FMO3: variants seen among roughly 807,000 people sequenced by gnomAD.
The protein encoded by FMO3 is flavin-containing monooxygenase 3.
Under a neutral mutation model 39.4 loss-of-function variants are expected in FMO3, and 40 were observed. The ratio of observed to expected loss-of-function variants is 1.02; its 90% CI spans 0.79 to 1.32. FMO3 has a LOEUF of 1.32. FMO3 is among the 40% of genes most tolerant of loss of function. The pLI, the probability that FMO3 is intolerant of heterozygous loss-of-function variation, is 0.00. For synonymous variants in FMO3, 219 were observed against 228.8 expected (o/e 0.96, Z 0.39); for missense variants, 680 against 651.8 (o/e 1.04, Z -0.47).
At chr1:171,097,409 A>G (rs998825456) in intron 2 of FMO3, among the ~76,000 whole-genome samples, 9 of 112,636 alleles carry the variant, frequency 8.0e-5, no homozygotes, top group African/African-American at 1.3e-4. Flanking sequence ...TCCCACCAAC[A>G]GTGTAAAAGT....
intron 3 of FMO3, among the ~76,000 whole-genome samples, chr1:171,107,049 A>T (rs1427757072): frequency 1.3e-5 from 2 of 152,182 alleles, no homozygotes; most frequent in African/African-American, 4.8e-5. Context: ...ATTAATACCA[A>T]ATAGAGATTC....
chr1:171,107,794 C>T lies in FMO3; in HGVS notation c.441C>T (p.Ser147=), dbSNP rs1800822. ...TCTTTGATGCTGTAATGGTTTGTTC[C>T]GGACATCATGTGTATCCCAACCTAC... The part of the protein sequence containing the change: ...SAVFDAVMVC[S]GHHVYPNLPK... Residue 147 remains serine, a synonymous_variant, in exon 4 of 9, where the codon TCC becomes TCT. Transcript: ENST00000367755. The T allele has an allele frequency of 0.075, 121,494 of 1,613,590 alleles. 7,011 individuals are homozygous for T. Among genetic ancestry groups the T allele is most frequent in the Admixed American group, 0.25 (15,178 of 59,976 alleles).
intron 2 of FMO3, among the ~76,000 whole-genome samples, chr1:171,093,824 T>C (rs1191931953): frequency 7.0e-6 from 1 of 142,484 alleles, no homozygotes; most frequent in Non-Finnish European, 1.5e-5. Context: ...TACTCACTAA[T>C]ATCTTTTTTT....
intron 2 of FMO3, chr1:171,100,795 C>T (rs1655344308): frequency 1.2e-5 from 3 of 256,176 alleles, no homozygotes; most frequent in South Asian, 9.7e-5. Flanking sequence ...AACAATTTAA[C>T]AATGCCCCTC....
chr1:171,096,724 T>TA (rs2101899525), intron 2 of FMO3, among the ~76,000 whole-genome samples: 1 of 139,746 alleles, frequency 7.2e-6, no homozygotes, highest in East Asian at 2.1e-4. Context: ...TATAATTATA[T>TA]TAAAAATATA....
chr1:171,092,577 C>A, intron 1 of FMO3, 76 bp from the exon 2 acceptor site: 1 of 1,558,058 alleles, frequency 6.4e-7, no homozygotes, highest in South Asian at 1.1e-5. Flanking sequence ...AGAGCGAAAT[C>A]AAAATAAATA....
At position 171,117,402 on chromosome 1, in the gene FMO3, T is replaced by G; in HGVS notation, c.1559T>G (p.Ile520Ser). 5 of 1,613,326 alleles carry G rather than the reference T, an allele frequency of 3.1e-6. No individual in the cohort carries two copies. The highest frequency in any genetic ancestry group is 4.2e-6 in the Non-Finnish European group (5 of 1,179,770). ...TTCCATTGGCTGAAGCTCTTTGCAA[T>G]TCCTATTCTGTTAATCGCTGTTTTC... Reference protein sequence around the residue: ...FFFHWLKLFAIPILLIAVFLV... With the variant: ...FFFHWLKLFASPILLIAVFLV... The change falls in exon 9 of 9, where the codon ATT becomes AGT. Residue 520 changes from isoleucine to serine, a missense_variant. Ile to Ser is a moderately radical substitution (Grantham distance 142). Coordinates refer to ENST00000367755, the MANE Select transcript of FMO3 (RefSeq NM_001002294.3).
chr1:171,116,245 T>C lies in FMO3; in HGVS notation c.1221T>C (p.Asn407=), dbSNP rs79553697. 1,102 of 1,605,010 alleles carry C rather than the reference T, an allele frequency of 6.9e-4. 7 individuals are homozygous for C. In the African/African-American group the frequency reaches 0.013, roughly 19 times the overall value. Residue 407 remains asparagine, a synonymous_variant, in exon 8 of 9, where the codon AAT becomes AAC. Coordinates refer to ENST00000367755, the MANE Select transcript of FMO3 (RefSeq NM_001002294.3). ...CTLPSMEDMM[N]DINEKMEKKR... is the part of the protein sequence containing the mutation. ...TGCCTTCTATGGAAGACATGATGAA[T>C]GATATTAATGAGAAAATGGAGAAAA...
chr1:171,094,410 A>T (rs28745584), intron 2 of FMO3, among the ~76,000 whole-genome samples: 13,189 of 152,042 alleles, frequency 0.087, 812 homozygotes, highest in East Asian at 0.22. Flanking sequence ...TCCCATTCTG[A>T]AGGTAGTCTG....
In FMO3 at chr1:171,092,719, T is replaced by A; in HGVS notation, c.61T>A (p.Cys21Ser). 1 of 1,614,124 alleles carries A rather than the reference T, an allele frequency of 6.2e-7. No individual in the cohort carries two copies. The highest frequency in any genetic ancestry group is 8.5e-7 in the Non-Finnish European group (1 of 1,179,998). ...GVSGLASIRSCLEEGLEPTCF... is the reference protein window; with the variant it reads ...GVSGLASIRSSLEEGLEPTCF... ...GAGTGGCTTGGCCTCCATCAGGAGC[T>A]GTCTGGAAGAGGGGCTGGAGCCCAC... is the stretch of plus-strand genomic sequence containing the variant. The change falls in exon 2 of 9, where the codon TGT becomes AGT. Residue 21 changes from cysteine to serine, a missense_variant. Transcript: ENST00000367755.
At chr1:171,096,910 A>T (rs1037393486) in intron 2 of FMO3, among the ~76,000 whole-genome samples, 2 of 151,450 alleles carry the variant, frequency 1.3e-5, no homozygotes, top group African/African-American at 4.9e-5. Flanking sequence ...ATTTAGCATT[A>T]GGTATATCTC....
intron 2 of FMO3, among the ~76,000 whole-genome samples, chr1:171,097,972 G>T (rs987123008): frequency 2.0e-5 from 3 of 152,134 alleles, no homozygotes; most frequent in African/African-American, 4.8e-5. Context: ...TTTGTATAAG[G>T]TGTAAGTAAG....
At chr1:171,091,466 G>A (rs1654700265) in intron 1 of FMO3, among the ~76,000 whole-genome samples, 1 of 152,082 alleles carries the variant, frequency 6.6e-6, no homozygotes, top group East Asian at 1.9e-4. Context: ...AGTGAAAGAA[G>A]TAGTGGTAGA....
chr1:171,094,247 C>T (rs1048333070), intron 2 of FMO3, among the ~76,000 whole-genome samples: 1 of 152,036 alleles, frequency 6.6e-6, no homozygotes, highest in African/African-American at 2.4e-5. Context: ...TGTTTATTGG[C>T]CATTGGTATG....
At chr1:171,112,220 G>A (rs1571223844) in intron 6 of FMO3, among the ~76,000 whole-genome samples, 1 of 152,300 alleles carries the variant, frequency 6.6e-6, no homozygotes, top group East Asian at 1.9e-4. Context: ...CGTGGGCCTT[G>A]TAGATCATTG....
At chr1:171,096,045 TA>T (rs1557933086) in intron 2 of FMO3, among the ~76,000 whole-genome samples, 2 of 57,926 alleles carry the variant, frequency 3.5e-5, no homozygotes, top group African/African-American at 2.3e-4. Context: ...ATATATTATA[TA>T]TAAATATATA....
chr1:171,105,041 G>T (rs1436656064), intron 3 of FMO3, among the ~76,000 whole-genome samples: 1 of 141,082 alleles, frequency 7.1e-6, no homozygotes, highest in Admixed American at 7.3e-5. Context: ...AATATTTTAA[G>T]TTGGTTAAAT....
chr1:171,103,751 C>G (rs1361808238), intron 2 of FMO3, 34 bp from the exon 3 acceptor site: 3 of 1,540,180 alleles, frequency 1.9e-6, no homozygotes, highest in East Asian at 4.5e-5. Flanking sequence ...ACTCATTTAC[C>G]AATTCGCTTC....
At chr1:171,115,866 A>T (rs993075308) in intron 7 of FMO3, among the ~76,000 whole-genome samples, 1 of 152,222 alleles carries the variant, frequency 6.6e-6, no homozygotes, top group African/African-American at 2.4e-5. Flanking sequence ...ATTAATTTCT[A>T]TGAAGATTTT....
Sources: allele counts gnomAD v4.1 joint callset (sites outside exome capture counted in the v4.1 genomes callset), GRCh38; gene constraint gnomAD v4.1.1; transcripts MANE v1.5; gene names NCBI Gene and HGNC (gene_info 2026-07-23, HGNC 2026-07-21).